NTNG1: variants seen among roughly 807,000 people sequenced by gnomAD.
NTNG1 encodes netrin G1.
Under a neutral mutation model 54.0 loss-of-function variants are expected in NTNG1, and 16 were observed. The observed-to-expected ratio is 0.30, with a 90% CI of 0.20 to 0.45. NTNG1 has a LOEUF of 0.45. Ranked by LOEUF, NTNG1 falls within the 20% of genes least tolerant of loss-of-function variation. The pLI, the probability that NTNG1 is intolerant of heterozygous loss-of-function variation, is 1.00. For synonymous variants in NTNG1, 255 were observed against 263.1 expected, an observed-to-expected ratio of 0.97 and a Z score of 0.30; for missense variants, 530 against 678.7, an observed-to-expected ratio of 0.78 and a Z score of 2.43.
chr1:107,467,642 G>A (rs186672330), intron 7 of NTNG1, among the ~76,000 whole-genome samples: 1 of 152,324 alleles, frequency 6.6e-6, no homozygotes, highest in African/African-American at 2.4e-5. Flanking sequence ...ACTAAACTTT[G>A]TGGTTCAAAT....
At chr1:107,264,258 C>T (rs562791164) in intron 2 of NTNG1, among the ~76,000 whole-genome samples, 1 of 152,278 alleles carries the variant, frequency 6.6e-6, no homozygotes, top group African/African-American at 2.4e-5. Flanking sequence ...AGCCATTGCT[C>T]TTTAAGGTGA....
intron 2 of NTNG1, among the ~76,000 whole-genome samples, chr1:107,204,030 A>G (rs1347206553): frequency 6.6e-6 from 1 of 151,898 alleles, no homozygotes; most frequent in East Asian, 1.9e-4. Context: ...ATTTCATAGT[A>G]TATGGTTCTA....
At chr1:107,370,413 A>G (rs1670849482) in intron 3 of NTNG1, among the ~76,000 whole-genome samples, 1 of 151,608 alleles carries the variant, frequency 6.6e-6, no homozygotes, top group African/African-American at 2.4e-5. Context: ...TACATGAGTA[A>G]GTTCTTTAGT....
intron 7 of NTNG1, among the ~76,000 whole-genome samples, chr1:107,450,010 T>G (rs1225237667): frequency 6.6e-6 from 1 of 152,086 alleles, no homozygotes; most frequent in African/African-American, 2.4e-5. Flanking sequence ...AAGAAAAATG[T>G]ATGACTGCTT....
chr1:107,477,990 T>C (rs548087470), intron 7 of NTNG1, among the ~76,000 whole-genome samples: 1 of 152,250 alleles, frequency 6.6e-6, no homozygotes, highest in Non-Finnish European at 1.5e-5. Flanking sequence ...ATATTTCTTT[T>C]ATTTTCTTTG....
At chr1:107,167,035 A>C (rs1169079582) in intron 2 of NTNG1, among the ~76,000 whole-genome samples, 1 of 152,138 alleles carries the variant, frequency 6.6e-6, no homozygotes, top group Non-Finnish European at 1.5e-5. Flanking sequence ...GACATTCTGT[A>C]ATCCCAGCCC....
chr1:107,393,577 C>T (rs527895600), intron 3 of NTNG1, among the ~76,000 whole-genome samples: 56 of 151,646 alleles, frequency 3.7e-4, no homozygotes, highest in Non-Finnish European at 6.9e-4. Context: ...ACACAGAGAA[C>T]AGATTGTAGC....
intron 2 of NTNG1, among the ~76,000 whole-genome samples, chr1:107,176,663 T>C (rs1656674124): frequency 6.6e-6 from 1 of 152,182 alleles, no homozygotes; most frequent in Non-Finnish European, 1.5e-5. Flanking sequence ...CTAACATGGA[T>C]AAACGGAATG....
intron 3 of NTNG1, among the ~76,000 whole-genome samples, chr1:107,348,797 T>C (rs1254183318): frequency 2.6e-5 from 4 of 152,208 alleles, no homozygotes; most frequent in African/African-American, 4.8e-5. Context: ...GCACAATAAA[T>C]CTTGGCTTCT....
chr1:107,295,945 T>C (rs1665919170), intron 2 of NTNG1, among the ~76,000 whole-genome samples: 1 of 152,102 alleles, frequency 6.6e-6, no homozygotes, highest in Admixed American at 6.6e-5. Flanking sequence ...TCTTGTAACT[T>C]CATATGCCCT....
intron 3 of NTNG1, among the ~76,000 whole-genome samples, chr1:107,339,363 C>A (rs984305209): frequency 2.0e-5 from 3 of 152,106 alleles, no homozygotes; most frequent in South Asian, 4.1e-4. Context: ...TCAAAGGAGA[C>A]CCTGGCAACT....
chr1:107,392,261 G>A (rs1216464299), intron 3 of NTNG1, among the ~76,000 whole-genome samples: 3 of 152,006 alleles, frequency 2.0e-5, no homozygotes, highest in South Asian at 2.1e-4. Flanking sequence ...GAGAATCTTC[G>A]AATATCCTAA....
At position 107,397,734 on chromosome 1, in the gene NTNG1, C is replaced by CTT. The variant is rs545551291; in HGVS notation, c.1060+2419_1060+2420dup. On this transcript the variant is annotated intron_variant, in intron 4 of 7. Coordinates refer to ENST00000370068, the MANE Select transcript of NTNG1 (RefSeq NM_001113226.3). The stretch of plus-strand genomic sequence containing the variant: ...GTATAAAAGTTACTTCTTATCAAAC[C>CTT]TTTTTTTTTTTTCTTTTTAAGTAGT... Among the ~76,000 whole-genome samples the CTT allele has an allele frequency of 0.012, 1,729 of 146,042 alleles. 82 individuals are homozygous for CTT. The East Asian group carries it at 0.17, about 15-fold the overall frequency.
chr1:107,189,007 T>C (rs1657681595), intron 2 of NTNG1, among the ~76,000 whole-genome samples: 3 of 152,042 alleles, frequency 2.0e-5, no homozygotes, highest in Admixed American at 1.3e-4. Context: ...ATTCAATATT[T>C]GAAAGAATAG....
chr1:107,159,178 T>A (rs1655222127), intron 2 of NTNG1, among the ~76,000 whole-genome samples: 1 of 152,138 alleles, frequency 6.6e-6, no homozygotes, highest in African/African-American at 2.4e-5. Context: ...AATATGCTAA[T>A]CTGAGGTTGG....
intron 2 of NTNG1, among the ~76,000 whole-genome samples, chr1:107,205,558 C>T (rs1659112286): frequency 6.6e-6 from 1 of 151,948 alleles, no homozygotes; most frequent in Non-Finnish European, 1.5e-5. Context: ...ATCACAATTC[C>T]GCCTCTACCA....
intron 2 of NTNG1, among the ~76,000 whole-genome samples, chr1:107,265,008 G>A (rs929412535): frequency 2.0e-5 from 3 of 152,140 alleles, no homozygotes; most frequent in Non-Finnish European, 2.9e-5. Context: ...ACCTCCCCCC[G>A]TCAGTGTTTT....
intron 7 of NTNG1, among the ~76,000 whole-genome samples, chr1:107,469,525 C>G (rs1029459997): frequency 6.6e-6 from 1 of 151,972 alleles, no homozygotes; most frequent in Non-Finnish European, 1.5e-5. Flanking sequence ...CTCTGTCTCC[C>G]AGGCTGGAGT....
At chr1:107,385,772 G>T (rs758833070) in intron 3 of NTNG1, among the ~76,000 whole-genome samples, 101 of 151,492 alleles carry the variant, frequency 6.7e-4, no homozygotes, top group Non-Finnish European at 1.0e-3. Flanking sequence ...ATGATTCCAG[G>T]GCTGAAACTT....
Sources: gnomAD v4.1 joint callset for allele counts (sites outside exome capture counted in the v4.1 genomes callset) on GRCh38, gnomAD v4.1.1 for gene constraint, MANE v1.5 for transcripts, NCBI Gene and HGNC (gene_info 2026-07-23, HGNC 2026-07-21) for gene names.